The following RANBP2 variants were observed in gnomAD, a reference collection of about 807,000 sequenced individuals.
The protein encoded by RANBP2 is E3 SUMO-protein ligase RanBP2.
In RANBP2, 57 loss-of-function variants were observed where a neutral mutation model predicts 303.6. The ratio of observed to expected loss-of-function variants is 0.19; its 90% CI spans 0.15 to 0.23. The LOEUF (loss-of-function observed/expected upper bound fraction) is 0.23, where lower values mean the gene tolerates loss of function less well. RANBP2 is among the 10% of genes least tolerant of loss of function. The pLI is 1.00. For missense variants in RANBP2, 3,138 were observed against 3,780.8 expected (o/e 0.83, Z 4.46); for synonymous variants, 1,167 against 1,301.5 (o/e 0.90, Z 2.23).
chr2:109,048,693 T>C, the RANBP2 span, among the ~76,000 whole-genome samples: 1 of 152,212 alleles, frequency 6.6e-6, no homozygotes, highest in African/African-American at 2.4e-5. Context: ...TGCTGTTCTA[T>C]ATTCCACAGA....
At chr2:109,074,610 G>A in the RANBP2 span, among the ~76,000 whole-genome samples, 1 of 149,686 alleles carries the variant, frequency 6.7e-6, no homozygotes, top group Non-Finnish European at 1.5e-5. Flanking sequence ...CTGAGGCAGA[G>A]AATAGCTTGA....
At chr2:108,919,122 G>A in the RANBP2 span, among the ~76,000 whole-genome samples, 3 of 152,166 alleles carry the variant, frequency 2.0e-5, no homozygotes, top group Non-Finnish European at 2.9e-5. Flanking sequence ...GCAACTGAGC[G>A]CCGGTGTCTG....
chr2:108,904,835 T>C, the RANBP2 span, among the ~76,000 whole-genome samples: 4 of 152,164 alleles, frequency 2.6e-5, no homozygotes, highest in Non-Finnish European at 5.9e-5. Context: ...GGAAATTGGC[T>C]GTGGCTATAA....
At chr2:109,049,413 A>C in the RANBP2 span, among the ~76,000 whole-genome samples, 18 of 152,116 alleles carry the variant, frequency 1.2e-4, no homozygotes, top group Non-Finnish European at 2.5e-4. Flanking sequence ...ATAGCAGCCA[A>C]TTGTCTCAGC....
At chr2:109,001,151 A>G in the RANBP2 span, among the ~76,000 whole-genome samples, 2 of 152,314 alleles carry the variant, frequency 1.3e-5, no homozygotes, top group East Asian at 3.9e-4. Context: ...TAAAGGAATC[A>G]ACTGTGCTGC....
the RANBP2 span, among the ~76,000 whole-genome samples, chr2:109,141,936 T>G: frequency 2.6e-5 from 4 of 152,052 alleles, no homozygotes; most frequent in Non-Finnish European, 5.9e-5. Context: ...CAGGGCCCTT[T>G]CTACACTCAC....
At chr2:109,750,727 TAA>T in the RANBP2 span, among the ~76,000 whole-genome samples, 10 of 111,400 alleles carry the variant, frequency 9.0e-5, no homozygotes, top group East Asian at 2.3e-3. Context: ...ATAATAATAA[TAA>T]TTTTTTTTTT....
the RANBP2 span, among the ~76,000 whole-genome samples, chr2:109,382,551 T>C: frequency 0.027 from 4,091 of 152,268 alleles, 90 homozygotes; most frequent in Non-Finnish European, 0.038. Flanking sequence ...GCCTCAGCAA[T>C]CTTAAAACAG....
chr2:108,750,729 A>G (rs961927449), intron 9 of RANBP2, among the ~76,000 whole-genome samples: 1 of 152,116 alleles, frequency 6.6e-6, no homozygotes, highest in Non-Finnish European at 1.5e-5. Context: ...CTGGGACTAT[A>G]GGCACGTGAC....
At chr2:109,462,227 CA>C in the RANBP2 span, among the ~76,000 whole-genome samples, 3 of 150,644 alleles carry the variant, frequency 2.0e-5, no homozygotes, top group Admixed American at 1.3e-4. Flanking sequence ...ACCATCCCTG[CA>C]AACTATTTTG....
the RANBP2 span, among the ~76,000 whole-genome samples, chr2:109,523,908 G>A: frequency 7.4e-3 from 1,134 of 152,274 alleles, 2 homozygotes; most frequent in Non-Finnish European, 0.01. Context: ...TCTGACTGCC[G>A]TGGTTCCTAC....
chr2:109,136,655 C>T, the RANBP2 span, among the ~76,000 whole-genome samples: 43 of 152,268 alleles, frequency 2.8e-4, no homozygotes, highest in East Asian at 7.7e-4. Context: ...AGAGTCACTG[C>T]GCTCTTGGGT....
At chr2:108,807,219 C>G in the RANBP2 span, among the ~76,000 whole-genome samples, 1 of 151,980 alleles carries the variant, frequency 6.6e-6, no homozygotes, top group African/African-American at 2.4e-5. Context: ...TTAATATGTT[C>G]AAGAAAGTAG....
the RANBP2 span, among the ~76,000 whole-genome samples, chr2:109,318,366 G>T: frequency 6.6e-6 from 1 of 152,054 alleles, no homozygotes; most frequent in African/African-American, 2.4e-5. Context: ...CTGCCCACTC[G>T]CTGCACAGAC....
At chr2:109,481,617 C>G in the RANBP2 span, among the ~76,000 whole-genome samples, 3 of 152,224 alleles carry the variant, frequency 2.0e-5, no homozygotes, top group South Asian at 6.2e-4. Context: ...TCCCTCCACT[C>G]AGGCTGTGCT....
the RANBP2 span, among the ~76,000 whole-genome samples, chr2:109,267,828 G>A: frequency 2.0e-5 from 3 of 152,160 alleles, no homozygotes; most frequent in Non-Finnish European, 4.4e-5. Context: ...CCCTGTGGTC[G>A]GGCAATGGGG....
the RANBP2 span, among the ~76,000 whole-genome samples, chr2:109,581,529 A>G: frequency 1.1e-4 from 14 of 126,508 alleles, no homozygotes; most frequent in Middle Eastern, 4.3e-3. Flanking sequence ...AAGGTCTGGG[A>G]AAAAAAAAAA....
At chr2:109,220,477 G>C in the RANBP2 span, among the ~76,000 whole-genome samples, 1 of 152,186 alleles carries the variant, frequency 6.6e-6, no homozygotes, top group Non-Finnish European at 1.5e-5. Context: ...ACCATCAAGA[G>C]AGTGAAAAGA....
chr2:108,918,432 G>T, the RANBP2 span, among the ~76,000 whole-genome samples: 1 of 152,206 alleles, frequency 6.6e-6, no homozygotes, highest in African/African-American at 2.4e-5. Flanking sequence ...GTTTCTGTTG[G>T]GTGGCCAACT....
Sources: allele counts gnomAD v4.1 joint callset (sites outside exome capture counted in the v4.1 genomes callset), GRCh38; gene constraint gnomAD v4.1.1; transcripts MANE v1.5; gene names NCBI Gene and HGNC (gene_info 2026-07-23, HGNC 2026-07-21).